CDH6: variants seen among roughly 807,000 people sequenced by gnomAD.
CDH6 encodes cadherin-6.
A neutral mutation model predicts 78.0 loss-of-function variants in CDH6; 31 were observed. The ratio of observed to expected loss-of-function variants is 0.40; its 90% CI spans 0.30 to 0.54. The LOEUF (loss-of-function observed/expected upper bound fraction) is 0.54. CDH6 is among the 20% of genes least tolerant of loss of function. CDH6 has a pLI of 0.56. For missense variants in CDH6, 724 were observed against 975.9 expected, an observed-to-expected ratio of 0.74 and a Z score of 3.44; for synonymous variants, 376 against 368.8, an observed-to-expected ratio of 1.02 and a Z score of -0.23.
At chr5:31,218,649 C>G (rs1419314063) in intron 1 of CDH6, among the ~76,000 whole-genome samples, 2 of 152,104 alleles carry the variant, frequency 1.3e-5, no homozygotes, top group African/African-American at 4.8e-5. Flanking sequence ...GAATCCATTT[C>G]CTTTCCTCTC....
intron 2 of CDH6, among the ~76,000 whole-genome samples, chr5:31,270,170 G>A (rs569633466): frequency 2.6e-5 from 4 of 152,298 alleles, no homozygotes; most frequent in African/African-American, 7.2e-5. Flanking sequence ...GACACCTGAT[G>A]CGATTATCCA....
chr5:31,197,572 T>C (rs978573519), intron 1 of CDH6, among the ~76,000 whole-genome samples: 2 of 152,192 alleles, frequency 1.3e-5, no homozygotes, highest in African/African-American at 4.8e-5. Flanking sequence ...GGTTTAAATA[T>C]TTTTCTGAAT....
At chr5:31,289,965 T>G (rs1743111423) in intron 2 of CDH6, among the ~76,000 whole-genome samples, 1 of 146,998 alleles carries the variant, frequency 6.8e-6, no homozygotes, top group Admixed American at 6.8e-5. Context: ...GATGCTGTAT[T>G]AAAAAAAAAA....
At position 31,310,584 on chromosome 5, in the gene CDH6, G is replaced by C. The variant is rs542495147; in HGVS notation, c.1254-2734G>C. On this transcript the variant is annotated intron_variant, in intron 7 of 11. Coordinates refer to ENST00000265071, the MANE Select transcript of CDH6 (RefSeq NM_004932.4). Reference sequence around the variant, plus strand: ...TTTCCCTCCACACTGCTCCAGTAGAGGTACTCCATGATGTCTCCACCACTG... The same window carrying C: ...TTTCCCTCCACACTGCTCCAGTAGACGTACTCCATGATGTCTCCACCACTG... 3.3e-5 allele frequency among the ~76,000 whole-genome samples: 5 copies of C among 152,326 alleles called. No individual in the cohort carries two copies. In the East Asian group the frequency reaches 9.6e-4, roughly 29 times the overall value.
At chr5:31,302,464 T>C (rs532422250) in intron 6 of CDH6, 166 bp downstream of exon 6, 13 of 535,732 alleles carry the variant, frequency 2.4e-5, no homozygotes, top group Non-Finnish European at 4.2e-5. Context: ...GGCTCCCGCC[T>C]GTAATCCCAG....
intron 2 of CDH6, among the ~76,000 whole-genome samples, chr5:31,272,543 C>T (rs898888333): frequency 2.0e-5 from 3 of 152,034 alleles, no homozygotes; most frequent in South Asian, 2.1e-4. Flanking sequence ...CACAGGTAGA[C>T]GTAGATACAG....
rs1025770696 is a variant in CDH6, at chr5:31,239,285, G to A, written c.-128-28061G>A. On this transcript the variant is annotated intron_variant, in intron 1 of 11. Coordinates refer to ENST00000265071, the MANE Select transcript of CDH6 (RefSeq NM_004932.4). ...CTAGAGAAGTTAAGAAACTTGCCAA[G>A]GGCCACAGAACAAATTAGGAACACA... is the stretch of plus-strand genomic sequence containing the variant. Among the ~76,000 whole-genome samples the A allele has an allele frequency of 2.6e-5, 4 of 152,132 alleles. No homozygotes were observed. In the South Asian group the frequency reaches 8.3e-4, roughly 32 times the overall value.
At chr5:31,248,466 C>T (rs1206265498) in intron 1 of CDH6, among the ~76,000 whole-genome samples, 2 of 152,144 alleles carry the variant, frequency 1.3e-5, no homozygotes, top group Admixed American at 6.5e-5. Flanking sequence ...GTTCCCTTGC[C>T]TTTTGCAATT....
intron 1 of CDH6, among the ~76,000 whole-genome samples, chr5:31,214,174 G>A (rs1453061589): frequency 6.6e-6 from 1 of 151,066 alleles, no homozygotes; most frequent in Non-Finnish European, 1.5e-5. Context: ...AGCAGTCTGG[G>A]AAAAAACCAG....
chr5:31,229,862 G>A (rs535724747), intron 1 of CDH6, among the ~76,000 whole-genome samples: 1 of 152,296 alleles, frequency 6.6e-6, no homozygotes, highest in Admixed American at 6.5e-5. Context: ...GGTGACGTAA[G>A]GGACTTTGCT....
intron 7 of CDH6, among the ~76,000 whole-genome samples, chr5:31,311,011 A>T (rs1738135913): frequency 1.3e-5 from 2 of 152,306 alleles, no homozygotes; most frequent in South Asian, 2.1e-4. Flanking sequence ...GCTCCTCTTT[A>T]GTTAGGGAAA....
At chr5:31,211,296 G>A (rs887348843) in intron 1 of CDH6, among the ~76,000 whole-genome samples, 3 of 151,906 alleles carry the variant, frequency 2.0e-5, no homozygotes, top group Non-Finnish European at 4.4e-5. Context: ...TGGGGTGGGG[G>A]GATTTGGCTT....
rs1738580970 is a variant in CDH6 at position 31,324,767 on chromosome 5, G to A, written c.*1459G>A. The A allele has an allele frequency of 1.9e-5, 4 of 206,996 alleles. No homozygotes were observed. Among genetic ancestry groups the A allele is most frequent in the Non-Finnish European group, 3.9e-5 (4 of 101,578 alleles). The allele number at this position is 206,996 out of a possible 1,614,324, so 12.8% of individuals were successfully genotyped here. ...TAGTTATTATCCAGAGGACCCAACT[G>A]AACTGAACTAATCCTTCTGGCAGAT... On this transcript the variant is annotated 3_prime_UTR_variant, in exon 12 of 12. Coordinates refer to ENST00000265071, the MANE Select transcript of CDH6 (RefSeq NM_004932.4).
chr5:31,317,657 T>C lies in CDH6; in HGVS notation c.1631-16T>C. 9 of 1,603,098 alleles carry C rather than the reference T, an allele frequency of 5.6e-6. No homozygotes were observed. Among genetic ancestry groups the C allele is most frequent in the Non-Finnish European group, 6.8e-6 (8 of 1,172,556 alleles). ...CAGTATCCACATACATTCACCACTT[T>C]GCTTTCCGGTTCCAGACAACACGGC... On this transcript the variant is annotated splice_polypyrimidine_tract_variant and intron_variant, in intron 10 of 11. Coordinates refer to ENST00000265071, the MANE Select transcript of CDH6 (RefSeq NM_004932.4).
intron 1 of CDH6, among the ~76,000 whole-genome samples, chr5:31,239,469 G>A (rs1741539131): frequency 6.6e-6 from 1 of 152,124 alleles, no homozygotes; most frequent in African/African-American, 2.4e-5. Context: ...CTCCGCTTAT[G>A]TTTAAAGGTT....
In CDH6 at chr5:31,323,016, C is replaced by T. The variant is rs1444937984; in HGVS notation, c.2081C>T (p.Pro694Leu). The change falls in exon 12 of 12, where the codon CCC becomes CTC. Residue 694 changes from proline to leucine, a missense_variant. By Grantham distance (98) the Pro-to-Leu change is moderately conservative. Coordinates refer to ENST00000265071, the MANE Select transcript of CDH6 (RefSeq NM_004932.4). The stretch of plus-strand genomic sequence containing the variant: ...AACAAATTACGAAGGGACATTGTGC[C>T]CGAAGCCCTTTTCCTACCCCGACGG... ...EDNKLRRDIV[P>L]EALFLPRRTP... 2 of 1,614,034 alleles carry T rather than the reference C, an allele frequency of 1.2e-6. No individual in the cohort carries two copies. Among genetic ancestry groups the T allele is most frequent in the African/African-American group, 1.3e-5 (1 of 74,918 alleles).
intron 6 of CDH6, 100 bp downstream of exon 6, chr5:31,302,398 A>C: frequency 1.1e-6 from 1 of 894,254 alleles, no homozygotes; most frequent in Non-Finnish European, 1.7e-6. Flanking sequence ...ACATTCCTTT[A>C]GATTTTTATT....
chr5:31,270,091 TAAAGG>T (rs963691951), intron 2 of CDH6, among the ~76,000 whole-genome samples: 2 of 152,192 alleles, frequency 1.3e-5, no homozygotes, highest in African/African-American at 4.8e-5. Flanking sequence ...TTAAAAAAGA[TAAAGG>T]AGAGAGTTGC....
chr5:31,272,013 G>A (rs1742543197), intron 2 of CDH6, among the ~76,000 whole-genome samples: 1 of 152,200 alleles, frequency 6.6e-6, no homozygotes, highest in African/African-American at 2.4e-5. Flanking sequence ...ATAACAGAAT[G>A]TGGCAAGTTC....
Sources: allele counts gnomAD v4.1 joint callset (sites outside exome capture counted in the v4.1 genomes callset), GRCh38; gene constraint gnomAD v4.1.1; transcripts MANE v1.5; gene names NCBI Gene and HGNC (gene_info 2026-07-23, HGNC 2026-07-21).